MRPL45: variants seen among roughly 807,000 people sequenced by gnomAD.
The protein encoded by MRPL45 is mitochondrial ribosomal protein L45, also known as large ribosomal subunit protein mL45.
Under a neutral mutation model 38.1 loss-of-function variants are expected in MRPL45, and 20 were observed. The ratio of observed to expected loss-of-function variants is 0.53; its 90% CI spans 0.37 to 0.76. The LOEUF (loss-of-function observed/expected upper bound fraction) is 0.76. Ranked by LOEUF, MRPL45 falls within the 30% of genes least tolerant of loss-of-function variation. The pLI is 0.00. For missense variants in MRPL45, 337 were observed against 395.6 expected (o/e 0.85, Z 1.26); for synonymous variants, 105 against 128.8 (o/e 0.82, Z 1.25).
intron 4 of MRPL45, among the ~76,000 whole-genome samples, chr17:38,316,635 C>T (rs1240028517): frequency 1.3e-5 from 2 of 150,406 alleles, no homozygotes; most frequent in Non-Finnish European, 1.5e-5. Context: ...ATGGTGAAAC[C>T]CCAACTCTAC....
In MRPL45 at chr17:38,323,052, A is replaced by T. The variant is rs868240274; in HGVS notation, c.*457A>T. ...AGCCTTCAGATGGCAGAAGTGGAAGATGAGCCTACTTGTGAGCGATGTGAC... is the reference window on the plus strand; with the variant it reads ...AGCCTTCAGATGGCAGAAGTGGAAGTTGAGCCTACTTGTGAGCGATGTGAC... On this transcript the variant is annotated 3_prime_UTR_variant, in exon 8 of 8. Coordinates refer to ENST00000613675, the MANE Select transcript of MRPL45 (RefSeq NM_032351.6). 2 of 159,390 alleles carry T rather than the reference A, an allele frequency of 1.3e-5. No individual in the cohort carries two copies. The highest frequency in any genetic ancestry group is 3.3e-3 in the Middle Eastern group (1 of 306). The allele number at this position is 159,390 out of a possible 1,614,324, so 9.9% of individuals were successfully genotyped here.
rs2037105845 is a variant in MRPL45, at chr17:38,310,927, T to A, written c.461+4296T>A. The stretch of plus-strand genomic sequence containing the variant: ...CATTTTGTATTCCTGCATTTTTTTT[T>A]AAACAAATAGATATTTTAGAAAAAT... On this transcript the variant is annotated intron_variant, in intron 4 of 7. Transcript: ENST00000613675. Among the ~76,000 whole-genome samples the A allele has an allele frequency of 2.6e-5, 4 of 152,184 alleles. No individual in the cohort carries two copies. The South Asian group carries it at 8.3e-4, about 32-fold the overall frequency.
At chr17:38,318,822 CTTTTCTTTTT>C (rs1236798437) in intron 5 of MRPL45, 87 bp downstream of exon 5, 30,569 of 535,356 alleles carry the variant, frequency 0.057, 4 homozygotes, top group South Asian at 0.069. Flanking sequence ...CTTTTCTTTT[CTTTTCTTTTT>C]TTTTTTTTTT....
intron 3 of MRPL45, among the ~76,000 whole-genome samples, chr17:38,304,083 A>G (rs2037026992): frequency 6.6e-6 from 1 of 152,196 alleles, no homozygotes; most frequent in African/African-American, 2.4e-5. Flanking sequence ...AAGATCTTGC[A>G]AGTCTAAAAA....
chr17:38,316,726 G>C (rs2037176253), intron 4 of MRPL45, among the ~76,000 whole-genome samples: 1 of 103,670 alleles, frequency 9.6e-6, no homozygotes, highest in Admixed American at 1.5e-4. Flanking sequence ...CTGGAGGGCA[G>C]TGGTGCAATC....
chr17:38,311,953 A>G (rs1372733851), intron 4 of MRPL45, among the ~76,000 whole-genome samples: 1 of 151,890 alleles, frequency 6.6e-6, no homozygotes. Context: ...ACAGTTTTTG[A>G]CCTTTTGTGA....
At chr17:38,309,540 A>G (rs1358653559) in intron 4 of MRPL45, among the ~76,000 whole-genome samples, 3 of 37,634 alleles carry the variant, frequency 8.0e-5, no homozygotes, top group African/African-American at 1.5e-4. Context: ...AAAAAAAAAA[A>G]AGATTTTTTT....
intron 4 of MRPL45, among the ~76,000 whole-genome samples, chr17:38,314,900 A>G (rs551683418): frequency 6.6e-6 from 1 of 152,222 alleles, no homozygotes; most frequent in Non-Finnish European, 1.5e-5. Flanking sequence ...AGTTTGAATA[A>G]TATCAACTTA....
At chr17:38,319,539 C>T (rs2037209952) in intron 5 of MRPL45, among the ~76,000 whole-genome samples, 1 of 152,124 alleles carries the variant, frequency 6.6e-6, no homozygotes, top group Non-Finnish European at 1.5e-5. Flanking sequence ...AGGTTCATTG[C>T]TTGTAGCTGA....
chr17:38,315,018 A>G (rs2037160087), intron 4 of MRPL45, among the ~76,000 whole-genome samples: 1 of 152,234 alleles, frequency 6.6e-6, no homozygotes, highest in African/African-American at 2.4e-5. Context: ...TTGGGTGCCC[A>G]TTACATCAAT....
intron 4 of MRPL45, among the ~76,000 whole-genome samples, chr17:38,316,667 G>C (rs1401571618): frequency 6.7e-6 from 1 of 148,462 alleles, no homozygotes; most frequent in Non-Finnish European, 1.5e-5. Flanking sequence ...AAAAAGCTGG[G>C]TGTGGTGGCG....
chr17:38,320,488 A>C, intron 5 of MRPL45, 130 bp from the exon 6 acceptor site: 1 of 923,562 alleles, frequency 1.1e-6, no homozygotes, highest in Non-Finnish European at 1.7e-6. Flanking sequence ...AAATAGGCAC[A>C]AGAGAGCATG....
intron 2 of MRPL45, among the ~76,000 whole-genome samples, chr17:38,298,992 C>T (rs1260550623): frequency 6.6e-6 from 1 of 150,764 alleles, no homozygotes; most frequent in Admixed American, 6.7e-5. Context: ...TGGGTTCAAG[C>T]GATTCTCCTA....
intron 4 of MRPL45, among the ~76,000 whole-genome samples, chr17:38,318,298 T>C (rs1427969177): frequency 6.6e-6 from 1 of 151,852 alleles, no homozygotes; most frequent in Non-Finnish European, 1.5e-5. Context: ...AAGCTTTTGA[T>C]TGTTACTTGT....
intron 4 of MRPL45, among the ~76,000 whole-genome samples, chr17:38,307,081 G>A (rs2037062587): frequency 6.6e-6 from 1 of 151,728 alleles, no homozygotes; most frequent in African/African-American, 2.4e-5. Context: ...CGCCCAGGCT[G>A]GGAGTGCAAT....
At chr17:38,301,570 T>A (rs2036996107) in intron 3 of MRPL45, among the ~76,000 whole-genome samples, 1 of 152,140 alleles carries the variant, frequency 6.6e-6, no homozygotes, top group Non-Finnish European at 1.5e-5. Flanking sequence ...CCTCCATGAC[T>A]ATTTTTGGTG....
rs772136728 is a variant in MRPL45, at chr17:38,318,706, C to T, written c.481C>T (p.His161Tyr). Residue 161 changes from histidine (H) to tyrosine (Y), a missense_variant, in exon 5 of 8, where the codon CAT becomes TAT. This residue lies in a region of MRPL45 where 251 missense variants were observed against 269.1 expected (regional missense o/e 0.93). Transcript: ENST00000613675. Reference sequence around the variant, plus strand: ...TTCTAGCTCAGACCATGACCGGCTTCATACCTTGGTAACTGAACACTGTTT... The same window carrying T: ...TTCTAGCTCAGACCATGACCGGCTTTATACCTTGGTAACTGAACACTGTTT... ...CLNNSDHDRL[H>Y]TLVTEHCFPD... is the part of the protein sequence containing the mutation. The T allele has an allele frequency of 6.8e-6, 11 of 1,610,166 alleles. No homozygotes were observed. The highest frequency in any genetic ancestry group is 9.3e-6 in the Non-Finnish European group (11 of 1,177,030).
intron 5 of MRPL45, 146 bp downstream of exon 5, chr17:38,318,881 G>A: frequency 1.5e-6 from 1 of 668,918 alleles, no homozygotes; most frequent in Non-Finnish European, 2.6e-6. Context: ...AGGCTGGAGT[G>A]CAATGGTGCG....
intron 4 of MRPL45, among the ~76,000 whole-genome samples, chr17:38,307,930 C>T (rs573877694): frequency 0.015 from 2,238 of 151,878 alleles, 49 homozygotes; most frequent in African/African-American, 0.05. Context: ...TGTTTTGAGA[C>T]GGTCTTGTTC....
Sources: allele counts gnomAD v4.1 joint callset (sites outside exome capture counted in the v4.1 genomes callset), GRCh38; gene constraint gnomAD v4.1.1; regional missense constraint gnomAD v4.1.1; transcripts MANE v1.5; gene names NCBI Gene and HGNC (gene_info 2026-07-23, HGNC 2026-07-21).